The following ACYP2 variants were observed in gnomAD, a reference collection of about 807,000 sequenced individuals.
The protein encoded by ACYP2 is acylphosphatase 2.
Under a neutral mutation model 11.2 loss-of-function variants are expected in ACYP2, and 12 were observed. That is an observed-to-expected ratio of 1.08 (90% CI 0.69 to 1.74). The LOEUF is 1.74. Ranked by LOEUF, ACYP2 falls within the 40% of genes most tolerant of loss-of-function variation. ACYP2 has a pLI of 0.00. For synonymous variants in ACYP2, 43 were observed against 32.2 expected (o/e 1.33, Z -1.13); for missense variants, 134 against 101.9 (o/e 1.31, Z -1.35).
chr2:54,140,191 A>G (rs1327356048), intron 6 of ACYP2, among the ~76,000 whole-genome samples: 1 of 152,162 alleles, frequency 6.6e-6, no homozygotes, highest in East Asian at 1.9e-4. Context: ...GTTGTACAGA[A>G]CTGATAGTTC....
intron 6 of ACYP2, chr2:54,142,212 G>C (rs1681647982): frequency 1.4e-5 from 4 of 287,892 alleles, no homozygotes; most frequent in Non-Finnish European, 2.6e-5. Context: ...AGATAGTACA[G>C]AGACTTTCCA....
chr2:54,205,197 G>A (rs1016995253), intron 6 of ACYP2, among the ~76,000 whole-genome samples: 5 of 152,160 alleles, frequency 3.3e-5, no homozygotes, highest in African/African-American at 9.7e-5. Context: ...CACCTGCATA[G>A]GCATGGTGGG....
intron 6 of ACYP2, among the ~76,000 whole-genome samples, chr2:54,150,461 C>T (rs59495263): frequency 0.052 from 7,991 of 152,216 alleles, 425 homozygotes; most frequent in East Asian, 0.3. Flanking sequence ...CGCCTTGTGG[C>T]CCAGGCTGGA....
At chr2:54,121,217 C>T (rs1047016158) in intron 4 of ACYP2, among the ~76,000 whole-genome samples, 1 of 152,130 alleles carries the variant, frequency 6.6e-6, no homozygotes, top group Non-Finnish European at 1.5e-5. Flanking sequence ...GGGTAGCCCT[C>T]TGTGTGAGAG....
chr2:54,115,306 T>A (rs1679685308), intron 4 of ACYP2: 1 of 475,474 alleles, frequency 2.1e-6, no homozygotes, highest in East Asian at 3.7e-5. Context: ...CTTTTATTTG[T>A]CAATTACACT....
intron 4 of ACYP2, among the ~76,000 whole-genome samples, chr2:54,103,015 G>C (rs1025920452): frequency 3.3e-5 from 5 of 152,182 alleles, no homozygotes; most frequent in Admixed American, 6.5e-5. Flanking sequence ...AATCTGATGA[G>C]TTAGGATTGG....
chr2:53,983,847 T>G (rs1389189772), intron 2 of ACYP2, among the ~76,000 whole-genome samples: 1 of 152,120 alleles, frequency 6.6e-6, no homozygotes, highest in Non-Finnish European at 1.5e-5. Flanking sequence ...GAGTTTTCAA[T>G]GGGCCCAGTT....
intron 6 of ACYP2, among the ~76,000 whole-genome samples, chr2:54,286,712 C>T (rs754794354): frequency 6.6e-6 from 1 of 151,964 alleles, no homozygotes; most frequent in Non-Finnish European, 1.5e-5. Context: ...TAATAAAAAT[C>T]TTTATGCTGT....
rs563440984 is a variant in ACYP2, at chr2:54,026,708, A to G, written c.63-24250A>G. ...ATAAAAAGAGTCATGTATCTATACCATAGAATTCTACTCAGCCATAAAAGG... is the reference window on the plus strand; with the variant it reads ...ATAAAAAGAGTCATGTATCTATACCGTAGAATTCTACTCAGCCATAAAAGG... On this transcript the variant is annotated intron_variant, in intron 2 of 6. Transcript: ENST00000607452. 1.3e-3 allele frequency among the ~76,000 whole-genome samples: 192 copies of G among 152,340 alleles called. 2 individuals are homozygous for G. Among genetic ancestry groups the G allele is most frequent in the African/African-American group, 4.6e-3 (192 of 41,588 alleles).
At chr2:54,161,506 T>C (rs1396686886) in intron 6 of ACYP2, among the ~76,000 whole-genome samples, 1 of 152,182 alleles carries the variant, frequency 6.6e-6, no homozygotes, top group African/African-American at 2.4e-5. Context: ...TAAGCTGTCA[T>C]CTCCATGAAT....
intron 6 of ACYP2, among the ~76,000 whole-genome samples, chr2:54,177,189 A>G (rs1451532762): frequency 6.6e-6 from 1 of 152,096 alleles, no homozygotes; most frequent in Non-Finnish European, 1.5e-5. Flanking sequence ...GGATACATTA[A>G]TGAGCTCCTT....
chr2:54,126,189 G>C (rs867804853), intron 4 of ACYP2, among the ~76,000 whole-genome samples: 1 of 152,176 alleles, frequency 6.6e-6, no homozygotes, highest in Non-Finnish European at 1.5e-5. Flanking sequence ...TAATAATAAC[G>C]TATGTATTTT....
At chr2:54,200,168 A>G (rs79072228) in intron 6 of ACYP2, among the ~76,000 whole-genome samples, 6 of 152,092 alleles carry the variant, frequency 3.9e-5, no homozygotes, top group African/African-American at 1.2e-4. Flanking sequence ...GTATCTCTCA[A>G]TTGCTAGCTG....
At chr2:54,055,043 T>G (rs1208322964) in intron 3 of ACYP2, among the ~76,000 whole-genome samples, 1 of 152,172 alleles carries the variant, frequency 6.6e-6, no homozygotes, top group Admixed American at 6.5e-5. Context: ...TCTTTTTCTT[T>G]TTTTCTTTTT....
chr2:54,220,866 A>C (rs1313003537), intron 6 of ACYP2, among the ~76,000 whole-genome samples: 1 of 152,228 alleles, frequency 6.6e-6, no homozygotes, highest in Non-Finnish European at 1.5e-5. Flanking sequence ...CTCTATGTAA[A>C]AATGTAGATG....
chr2:54,051,356 A>G, intron 3 of ACYP2: 1 of 760,998 alleles, frequency 1.3e-6, no homozygotes, highest in African/African-American at 1.7e-5. Context: ...GAGAGGTGGA[A>G]GACCATGTCT....
At chr2:54,121,479 A>G (rs904251793) in intron 4 of ACYP2, among the ~76,000 whole-genome samples, 1 of 152,230 alleles carries the variant, frequency 6.6e-6, no homozygotes. Flanking sequence ...TCTGTTTCCT[A>G]CTGCTATAAC....
intron 6 of ACYP2, among the ~76,000 whole-genome samples, chr2:54,139,995 A>G (rs1407917016): frequency 1.3e-5 from 2 of 152,244 alleles, no homozygotes; most frequent in African/African-American, 4.8e-5. Flanking sequence ...ATATATAATT[A>G]TCAACTCCTT....
chr2:54,299,126 C>T (rs947193507), intron 6 of ACYP2, among the ~76,000 whole-genome samples: 3 of 152,086 alleles, frequency 2.0e-5, no homozygotes, highest in African/African-American at 7.2e-5. Flanking sequence ...AAAGTTAATC[C>T]CTGGAATGTT....
Sources: gnomAD v4.1 joint callset for allele counts (sites outside exome capture counted in the v4.1 genomes callset) on GRCh38, gnomAD v4.1.1 for gene constraint, MANE v1.5 for transcripts, NCBI Gene and HGNC (gene_info 2026-07-23, HGNC 2026-07-21) for gene names.